Variants in BRD10 observed in about 807,000 individuals in gnomAD.
The protein encoded by BRD10 is uncharacterized bromodomain-containing protein 10.
At chr9:5,953,145 C>T in the BRD10 span, among the ~76,000 whole-genome samples, 1 of 152,116 alleles carries the variant, frequency 6.6e-6, no homozygotes, top group Non-Finnish European at 1.5e-5. Flanking sequence ...ATTAAACTCA[C>T]ATTATATATT....
At chr9:5,897,724 T>C in the BRD10 span, 2 of 1,297,188 alleles carry the variant, frequency 1.5e-6, no homozygotes, top group East Asian at 2.3e-5. Context: ...CCTCTGAATC[T>C]CTGGAGAGTC....
chr9:5,986,924 C>G, the BRD10 span, among the ~76,000 whole-genome samples: 1 of 152,126 alleles, frequency 6.6e-6, no homozygotes, highest in Non-Finnish European at 1.5e-5. Flanking sequence ...CTGGACTCAC[C>G]TTTTCAAGCT....
the BRD10 span, among the ~76,000 whole-genome samples, chr9:5,971,761 C>G: frequency 6.6e-6 from 1 of 151,918 alleles, no homozygotes; most frequent in Non-Finnish European, 1.5e-5. Context: ...TGGTAGTGGG[C>G]AGGTAGAATT....
chr9:6,007,960 C>A, the BRD10 span: 1 of 1,296,594 alleles, frequency 7.7e-7, no homozygotes, highest in Non-Finnish European at 9.7e-7. Flanking sequence ...CTTGAGCTCA[C>A]CGCCGGCGGG....
At chr9:5,968,031 TC>T in the BRD10 span, 2 of 1,518,464 alleles carry the variant, frequency 1.3e-6, no homozygotes, top group Non-Finnish European at 1.8e-6. Context: ...GATTTGTGCT[TC>T]TTGTGTTTTG....
the BRD10 span, among the ~76,000 whole-genome samples, chr9:5,972,820 T>C: frequency 6.6e-6 from 1 of 152,176 alleles, no homozygotes; most frequent in African/African-American, 2.4e-5. Flanking sequence ...CAAAATGGAC[T>C]AAGACACTCT....
At chr9:5,984,776 T>C in the BRD10 span, among the ~76,000 whole-genome samples, 3 of 151,864 alleles carry the variant, frequency 2.0e-5, no homozygotes, top group Admixed American at 6.6e-5. Context: ...TAACCAAATA[T>C]GTAAAAAATG....
chr9:5,899,361 A>C, the BRD10 span: 1 of 152,200 alleles, frequency 6.6e-6, no homozygotes, highest in Non-Finnish European at 1.5e-5. Flanking sequence ...TTTGCCAAGA[A>C]ACTTGGGCAG....
At chr9:5,886,723 C>T in the BRD10 span, among the ~76,000 whole-genome samples, 7 of 152,258 alleles carry the variant, frequency 4.6e-5, no homozygotes, top group South Asian at 6.2e-4. Flanking sequence ...GGCCCAAGGC[C>T]GGCTCAAAAA....
the BRD10 span, among the ~76,000 whole-genome samples, chr9:5,880,925 G>A: frequency 2.0e-5 from 3 of 151,978 alleles, no homozygotes; most frequent in Admixed American, 6.5e-5. Flanking sequence ...GGCTGGTCTC[G>A]AACCCCTGAC....
chr9:5,979,257 T>A, the BRD10 span, among the ~76,000 whole-genome samples: 2 of 152,204 alleles, frequency 1.3e-5, no homozygotes, highest in East Asian at 3.8e-4. Context: ...CTCATGCCTG[T>A]AATCCCAACA....
the BRD10 span, among the ~76,000 whole-genome samples, chr9:5,938,610 G>A: frequency 6.6e-6 from 1 of 152,142 alleles, no homozygotes; most frequent in African/African-American, 2.4e-5. Context: ...AAGACATTCA[G>A]AAAATAGTTA....
chr9:5,984,537 T>C, the BRD10 span, among the ~76,000 whole-genome samples: 3 of 152,072 alleles, frequency 2.0e-5, no homozygotes, highest in East Asian at 5.8e-4. Flanking sequence ...AAAAGGGACA[T>C]AATAAGAAAG....
chr9:5,928,342 ACATTT>A, the BRD10 span, among the ~76,000 whole-genome samples: 1 of 152,126 alleles, frequency 6.6e-6, no homozygotes, highest in Non-Finnish European at 1.5e-5. Context: ...TTGTCCTATT[ACATTT>A]ATCTCCACCC....
the BRD10 span, among the ~76,000 whole-genome samples, chr9:5,953,468 T>C: frequency 2.0e-5 from 3 of 152,088 alleles, no homozygotes; most frequent in Non-Finnish European, 4.4e-5. Flanking sequence ...TCCACAGAAA[T>C]GTTTAAAGAC....
At chr9:5,934,809 T>G in the BRD10 span, among the ~76,000 whole-genome samples, 1 of 152,186 alleles carries the variant, frequency 6.6e-6, no homozygotes, top group African/African-American at 2.4e-5. Context: ...AATCACTAAC[T>G]ATATCCAAAG....
the BRD10 span, among the ~76,000 whole-genome samples, chr9:5,881,131 C>T: frequency 5.3e-5 from 8 of 152,312 alleles, no homozygotes; most frequent in East Asian, 1.9e-4. Flanking sequence ...ATCCTTCCCC[C>T]ACCCCTGACA....
At chr9:5,973,907 A>C in the BRD10 span, among the ~76,000 whole-genome samples, 1 of 152,154 alleles carries the variant, frequency 6.6e-6, no homozygotes, top group Admixed American at 6.5e-5. Context: ...AAACAAAAGC[A>C]AGAGACAAAA....
the BRD10 span, among the ~76,000 whole-genome samples, chr9:5,936,053 T>C: frequency 1.3e-5 from 2 of 152,208 alleles, no homozygotes; most frequent in Admixed American, 1.3e-4. Context: ...TTTCAATTGC[T>C]TTTTAAAAAA....
Sources: gnomAD v4.1 joint callset for allele counts (sites outside exome capture counted in the v4.1 genomes callset) on GRCh38, gnomAD v4.1.1 for gene constraint, MANE v1.5 for transcripts, NCBI Gene and HGNC (gene_info 2026-07-23, HGNC 2026-07-21) for gene names.